The following HSD3B7 variants were observed in gnomAD, a reference collection of about 807,000 sequenced individuals.
The protein encoded by HSD3B7 is 3 beta-hydroxysteroid dehydrogenase type 7.
Under a neutral mutation model 34.3 loss-of-function variants are expected in HSD3B7, and 35 were observed. The ratio of observed to expected loss-of-function variants is 1.02; its 90% CI spans 0.78 to 1.35. The LOEUF (loss-of-function observed/expected upper bound fraction) is 1.35. Ranked by LOEUF, HSD3B7 falls within the 40% of genes most tolerant of loss-of-function variation. The probability of loss-of-function intolerance (pLI) is 0.00; values close to 1 mark genes in which losing one functional copy is unlikely to be tolerated. For missense variants in HSD3B7, 426 were observed against 504.7 expected, an observed-to-expected ratio of 0.84 and a Z score of 1.49; for synonymous variants, 217 against 220.1, an observed-to-expected ratio of 0.99 and a Z score of 0.13.
At chr16:30,987,393 G>A in intron 6 of HSD3B7, 1 of 420,428 alleles carries the variant, frequency 2.4e-6, no homozygotes, top group Non-Finnish European at 4.4e-6. Context: ...GCTGCAGTGA[G>A]CTATGACCGC....
intron 4 of HSD3B7, 33 bp downstream of exon 4, chr16:30,986,564 C>G (rs780434735): frequency 6.2e-7 from 1 of 1,612,788 alleles, no homozygotes; most frequent in Non-Finnish European, 8.5e-7. Flanking sequence ...CTCTAAGAGC[C>G]CATTTCCCTC....
chr16:30,988,099 C>T lies in HSD3B7; in HGVS notation c.1026C>T (p.Phe342=), dbSNP rs532045637. The T allele has an allele frequency of 2.8e-5, 45 of 1,605,832 alleles. No individual in the cohort carries two copies. The highest frequency in any genetic ancestry group is 3.2e-5 in the Non-Finnish European group (38 of 1,178,380). ...GCACCGACAAGGCTCAGCGCCATTT[C>T]GGCTATGAGCCCCTGTTCTCGTGGG... is the stretch of plus-strand genomic sequence containing the variant. ...TVSTDKAQRH[F]GYEPLFSWED... is the part of the protein sequence containing the mutation. The change falls in exon 7 of 7, where the codon TTC becomes TTT. Residue 342 remains phenylalanine, a synonymous_variant. Transcript: ENST00000297679.
At position 30,988,175 on chromosome 16, in the gene HSD3B7, GC is replaced by G. The variant is rs1567373369; in HGVS notation, c.1105del (p.Gln369SerfsTer48). On this transcript the variant is annotated frameshift_variant, in exon 7 of 7. Transcript: ENST00000297679. LOFTEE classifies it high-confidence loss of function. ...ILWVQAATGS[A>X]Q is the part of the protein sequence containing the mutation. The stretch of plus-strand genomic sequence containing the variant: ...CTGGGTACAGGCCGCTACGGGTTCA[GC>G]CCAGTGACGGTGGGGCTGGGGCCTG... 1.3e-6 allele frequency: 2 copies of G among 1,597,014 alleles called. No homozygotes were observed. Among genetic ancestry groups the G allele is most frequent in the Admixed American group, 1.7e-5 (1 of 58,848 alleles).
chr16:30,987,873 G>A lies in HSD3B7; in HGVS notation c.800G>A (p.Ser267Asn), dbSNP rs1369481521. The A allele has an allele frequency of 1.2e-6, 2 of 1,613,746 alleles. No individual in the cohort carries two copies. The highest frequency in any genetic ancestry group is 4.5e-5 in the East Asian group (2 of 44,900). Reference protein sequence around the residue: ...YFCYDGSPYRSYEDFNMEFLG... With the variant: ...YFCYDGSPYRNYEDFNMEFLG... Reference sequence around the variant, plus strand: ...TGCTACGATGGATCACCCTACAGGAGCTACGAGGATTTCAACATGGAGTTC... The same window carrying A: ...TGCTACGATGGATCACCCTACAGGAACTACGAGGATTTCAACATGGAGTTC... Residue 267 changes from serine (S) to asparagine (N), a missense_variant, in exon 7 of 7, where the codon AGC becomes AAC. Coordinates refer to ENST00000297679, the MANE Select transcript of HSD3B7 (RefSeq NM_025193.4).
In HSD3B7 at chr16:30,987,352, C is replaced by T. The variant is rs535623258; in HGVS notation, c.694+350C>T. 897 of 418,424 alleles carry T rather than the reference C, an allele frequency of 2.1e-3. 1 individual carries two copies. Among genetic ancestry groups the T allele is most frequent in the Admixed American group, 4.3e-3 (113 of 26,470 alleles). 25.9% of individuals were successfully genotyped at this position (418,424 alleles called of 1,614,324 possible). On this transcript the variant is annotated intron_variant, in intron 6 of 6. Transcript: ENST00000297679. ...ATCCCAGCACTTTAGGAGGCTGAGGCGGGAGGATGGCCTGAGCCCAGGAGT... is the reference window on the plus strand; with the variant it reads ...ATCCCAGCACTTTAGGAGGCTGAGGTGGGAGGATGGCCTGAGCCCAGGAGT...
Position 30,986,938 on chromosome 16 carries a change from G to A in HSD3B7, c.630G>A (p.Leu210=), listed in dbSNP as rs745611888. ...QIMRDFYRQG[L]RLGGWLFRAI... ...TGAGGGACTTCTACCGCCAGGGCCTGCGCCTGGGAGGTTGGCTCTTCCGGG... is the reference window on the plus strand; with the variant it reads ...TGAGGGACTTCTACCGCCAGGGCCTACGCCTGGGAGGTTGGCTCTTCCGGG... Residue 210 remains leucine, a synonymous_variant, in exon 6 of 7, where the codon CTG becomes CTA. Transcript: ENST00000297679. The A allele has an allele frequency of 2.5e-6, 4 of 1,613,606 alleles. No homozygotes were observed. The highest frequency in any genetic ancestry group is 2.7e-5 in the African/African-American group (2 of 74,952).
In HSD3B7 at chr16:30,986,926, C is replaced by G. The variant is rs376562345; in HGVS notation, c.618C>G (p.Tyr206Ter). Residue 206 changes from tyrosine to a stop codon, truncating the protein, a stop_gained, in exon 6 of 7, where the codon TAC becomes TAG. Transcript: ENST00000297679. LOFTEE classifies it high-confidence loss of function. ...GCCACCAGATCATGAGGGACTTCTA[C>G]CGCCAGGGCCTGCGCCTGGGAGGTT... Reference protein sequence around the residue: ...GEGHQIMRDFYRQGLRLGGWL... With the variant: ...GEGHQIMRDF 6.2e-7 allele frequency: 1 copy of G among 1,613,796 alleles called. No individual in the cohort carries two copies. The highest frequency in any genetic ancestry group is 1.1e-5 in the South Asian group (1 of 91,086).
intron 6 of HSD3B7, chr16:30,987,479 C>T: frequency 1.9e-6 from 1 of 532,916 alleles, no homozygotes; most frequent in Non-Finnish European, 3.4e-6. Flanking sequence ...AGCATCTACA[C>T]AGGGAATAAG....
In HSD3B7 at chr16:30,988,091, C is replaced by A; in HGVS notation, c.1018C>A (p.Arg340Ser). 1 of 1,605,998 alleles carries A rather than the reference C, an allele frequency of 6.2e-7. No homozygotes were observed. Among genetic ancestry groups the A allele is most frequent in the Non-Finnish European group, 8.5e-7 (1 of 1,178,698 alleles). The change falls in exon 7 of 7, where the codon CGC (arginine) becomes AGC (serine). Residue 340 changes from arginine to serine, a missense_variant. Coordinates refer to ENST00000297679, the MANE Select transcript of HSD3B7 (RefSeq NM_025193.4). ...CACCGTCAGCACCGACAAGGCTCAG[C>A]GCCATTTCGGCTATGAGCCCCTGTT... Reference protein sequence around the residue: ...TFTVSTDKAQRHFGYEPLFSW... With the variant: ...TFTVSTDKAQSHFGYEPLFSW...
rs1045055831 is a variant in HSD3B7, at chr16:30,985,440, A to C, written c.-7+143A>C. On this transcript the variant is annotated intron_variant, in intron 1 of 6. Coordinates refer to ENST00000297679, the MANE Select transcript of HSD3B7 (RefSeq NM_025193.4). ...TTCAAATCTCTCTCCCTAAACCCTGACCCCTTCCTGCACCCCAAGCCCGCC... is the reference window on the plus strand; with the variant it reads ...TTCAAATCTCTCTCCCTAAACCCTGCCCCCTTCCTGCACCCCAAGCCCGCC... 1.2e-4 allele frequency: 171 copies of C among 1,450,796 alleles called. No individual in the cohort carries two copies. In the African/African-American group the frequency reaches 2.2e-3, roughly 19 times the overall value. The allele number at this position is 1,450,796 out of a possible 1,614,324, so 89.9% of individuals were successfully genotyped here.
rs374469295 is a variant in HSD3B7, at chr16:30,985,698, G to T, written c.40G>T (p.Val14Phe). 346 of 1,608,484 alleles carry T rather than the reference G, an allele frequency of 2.2e-4. No homozygotes were observed. The highest frequency in any genetic ancestry group is 2.8e-4 in the Non-Finnish European group (328 of 1,179,448). The change falls in exon 2 of 7, where the codon GTC becomes TTC. Residue 14 changes from valine (V) to phenylalanine (F), a missense_variant. Transcript: ENST00000297679. ...ACAGGCCCAGAAGCTGGTGTACCTG[G>T]TCACAGGGGGCTGTGGCTTCCTGGG... is the stretch of plus-strand genomic sequence containing the variant. ...SAQAQKLVYL[V>F]TGGCGFLGEH... is the part of the protein sequence containing the mutation.
rs774295615 is a variant in HSD3B7, at chr16:30,986,137, C to T, written c.255C>T (p.His85=). The stretch of plus-strand genomic sequence containing the variant: ...TGGCCGGAGCCCATGTGGTCATCCA[C>T]ACGGCTGGGCTGGTAGACGTGTTTG... ...AAVAGAHVVI[H]TAGLVDVFGR... is the part of the protein sequence containing the mutation. Residue 85 remains histidine (H), a synonymous_variant, in exon 3 of 7, where the codon CAC becomes CAT. Coordinates refer to ENST00000297679, the MANE Select transcript of HSD3B7 (RefSeq NM_025193.4). The T allele has an allele frequency of 3.7e-6, 6 of 1,614,030 alleles. No individual in the cohort carries two copies. The highest frequency in any genetic ancestry group is 5.1e-6 in the Non-Finnish European group (6 of 1,180,034).
intron 6 of HSD3B7, 114 bp from the exon 7 acceptor site, chr16:30,987,654 G>A: frequency 8.3e-7 from 1 of 1,202,548 alleles, no homozygotes; most frequent in Non-Finnish European, 1.2e-6. Context: ...GCTGCTGTGG[G>A]GATGTGGGCG....
chr16:30,987,761 C>T lies in HSD3B7; in HGVS notation c.695-7C>T, dbSNP rs2056505384. 1 of 1,611,090 alleles carries T rather than the reference C, an allele frequency of 6.2e-7. No individual in the cohort carries two copies. ...GGGTGTGTCCGCCTCTCTTCCGCCA[C>T]CGGCAGGCAATGTTGCCTGGATGCA... is the stretch of plus-strand genomic sequence containing the variant. On this transcript the variant is annotated splice_polypyrimidine_tract_variant and splice_region_variant and intron_variant, in intron 6 of 6. Transcript: ENST00000297679.
chr16:30,988,056 A>C lies in HSD3B7; in HGVS notation c.983A>C (p.Asn328Thr), dbSNP rs761518916. The C allele has an allele frequency of 1.7e-5, 28 of 1,606,526 alleles. 1 individual carries two copies. Among genetic ancestry groups the C allele is most frequent in the East Asian group, 6.7e-5 (3 of 44,886 alleles). Reference sequence around the variant, plus strand: ...AACCCCTACACGCTGGCCGTGGCCAACACCACCTTCACCGTCAGCACCGAC... The same window carrying C: ...AACCCCTACACGCTGGCCGTGGCCACCACCACCTTCACCGTCAGCACCGAC... ...LLNPYTLAVA[N>T]TTFTVSTDKA... The change falls in exon 7 of 7, where the codon AAC (asparagine) becomes ACC (threonine). Residue 328 changes from asparagine to threonine, a missense_variant. Asn to Thr is a moderately conservative substitution (Grantham distance 65). Coordinates refer to ENST00000297679, the MANE Select transcript of HSD3B7 (RefSeq NM_025193.4).
chr16:30,985,771 A>T lies in HSD3B7; in HGVS notation c.113A>T (p.Glu38Val), dbSNP rs1178555016. Residue 38 changes from glutamate (E) to valine (V), a missense_variant, in exon 2 of 7, where the codon GAG (glutamate) becomes GTG (valine). Glu to Val is a moderately radical substitution (Grantham distance 121, BLOSUM62 -2). Coordinates refer to ENST00000297679, the MANE Select transcript of HSD3B7 (RefSeq NM_025193.4). Reference sequence around the variant, plus strand: ...CTGCAGCGGGAGCCCCGGCTCGGGGAGCTGCGGGTCTTTGACCAACACCTG... The same window carrying T: ...CTGCAGCGGGAGCCCCGGCTCGGGGTGCTGCGGGTCTTTGACCAACACCTG... ...MLLQREPRLG[E>V]LRVFDQHLGP... 1 of 1,603,372 alleles carries T rather than the reference A, an allele frequency of 6.2e-7. No homozygotes were observed. The highest frequency in any genetic ancestry group is 1.7e-5 in the Admixed American group (1 of 58,234).
Position 30,986,103 on chromosome 16 carries a change from C to T in HSD3B7, c.221C>T (p.Ala74Val), listed in dbSNP as rs1433328302. The change falls in exon 3 of 7, where the codon GCA becomes GTA. Residue 74 changes from alanine to valine, a missense_variant. Coordinates refer to ENST00000297679, the MANE Select transcript of HSD3B7 (RefSeq NM_025193.4). ...GACGTGACCCAGGCCCATGAGGTGG[C>T]AGCAGCTGTGGCCGGAGCCCATGTG... is the stretch of plus-strand genomic sequence containing the variant. ...QGDVTQAHEVAAAVAGAHVVI... is the reference protein window; with the variant it reads ...QGDVTQAHEVVAAVAGAHVVI... The T allele has an allele frequency of 2.5e-6, 4 of 1,613,924 alleles. No homozygotes were observed. The highest frequency in any genetic ancestry group is 3.4e-6 in the Non-Finnish European group (4 of 1,180,020).
At position 30,986,927 on chromosome 16, in the gene HSD3B7, C is replaced by T. The variant is rs556195559; in HGVS notation, c.619C>T (p.Arg207Cys). ...EGHQIMRDFYRQGLRLGGWLF... is the reference protein window; with the variant it reads ...EGHQIMRDFYCQGLRLGGWLF... ...CCACCAGATCATGAGGGACTTCTACCGCCAGGGCCTGCGCCTGGGAGGTTG... is the reference window on the plus strand; with the variant it reads ...CCACCAGATCATGAGGGACTTCTACTGCCAGGGCCTGCGCCTGGGAGGTTG... Residue 207 changes from arginine (R) to cysteine (C), a missense_variant, in exon 6 of 7, where the codon CGC becomes TGC. Physicochemically the swap from Arg to Cys is radical, Grantham distance 180. Transcript: ENST00000297679. The T allele has an allele frequency of 9.3e-6, 15 of 1,613,760 alleles. No homozygotes were observed. The highest frequency in any genetic ancestry group is 2.2e-5 in the East Asian group (1 of 44,878).
chr16:30,987,760 A>T lies in HSD3B7; in HGVS notation c.695-8A>T, dbSNP rs2143640851. 6.2e-7 allele frequency: 1 copy of T among 1,610,990 alleles called. No homozygotes were observed. Among genetic ancestry groups the T allele is most frequent in the East Asian group, 2.2e-5 (1 of 44,878 alleles). ...GGGGTGTGTCCGCCTCTCTTCCGCCACCGGCAGGCAATGTTGCCTGGATGC... is the reference window on the plus strand; with the variant it reads ...GGGGTGTGTCCGCCTCTCTTCCGCCTCCGGCAGGCAATGTTGCCTGGATGC... On this transcript the variant is annotated splice_polypyrimidine_tract_variant and splice_region_variant and intron_variant, in intron 6 of 6. Transcript: ENST00000297679.
Sources: gnomAD v4.1 joint callset for allele counts on GRCh38, gnomAD v4.1.1 for gene constraint, MANE v1.5 for transcripts, NCBI Gene and HGNC (gene_info 2026-07-23, HGNC 2026-07-21) for gene names.